The following YAF2 variants were observed in gnomAD, a reference collection of about 807,000 sequenced individuals.
YAF2 encodes the protein YY1-associated factor 2.
Under a neutral mutation model 20.1 loss-of-function variants are expected in YAF2, and 7 were observed. The ratio of observed to expected loss-of-function variants is 0.35; its 90% CI spans 0.20 to 0.65. YAF2 has a LOEUF of 0.65. Ranked by LOEUF, YAF2 falls within the 30% of genes least tolerant of loss-of-function variation. The pLI is 0.69. For missense variants in YAF2, 151 were observed against 219.2 expected, an observed-to-expected ratio of 0.69 and a Z score of 1.96; for synonymous variants, 74 against 76.0, an observed-to-expected ratio of 0.97 and a Z score of 0.14.
intron 2 of YAF2, among the ~76,000 whole-genome samples, chr12:42,228,642 G>A (rs1346354608): frequency 6.1e-5 from 5 of 81,974 alleles, no homozygotes; most frequent in African/African-American, 1.9e-4. Context: ...CAGCCGCCCC[G>A]TCCGGGAGGG....
At chr12:42,226,954 G>A (rs1011166202) in intron 2 of YAF2, among the ~76,000 whole-genome samples, 62 of 149,666 alleles carry the variant, frequency 4.1e-4, no homozygotes, top group African/African-American at 1.4e-3. Context: ...TGGTTGGCGC[G>A]GCTGCGCTGC....
chr12:42,175,017 C>A (rs1424426056), intron 2 of YAF2, among the ~76,000 whole-genome samples: 1 of 152,134 alleles, frequency 6.6e-6, no homozygotes, highest in African/African-American at 2.4e-5. Context: ...CAGGCATTTC[C>A]CTTTCAATAT....
chr12:42,216,091 G>C (rs73281886), intron 2 of YAF2, among the ~76,000 whole-genome samples: 3,398 of 152,072 alleles, frequency 0.022, 123 homozygotes, highest in African/African-American at 0.078. Context: ...TAAAGTCATT[G>C]TTAGAGGCAT....
intron 2 of YAF2, among the ~76,000 whole-genome samples, chr12:42,195,679 G>C (rs990269594): frequency 6.6e-6 from 1 of 152,118 alleles, no homozygotes; most frequent in East Asian, 1.9e-4. Context: ...GAAATCAAAG[G>C]TGAAGACACA....
At chr12:42,185,155 G>T (rs1307818270) in intron 2 of YAF2, among the ~76,000 whole-genome samples, 2 of 152,090 alleles carry the variant, frequency 1.3e-5, no homozygotes, top group Admixed American at 6.6e-5. Flanking sequence ...TCCAGCCTGG[G>T]CAACAGAGCC....
chr12:42,210,554 G>A, intron 2 of YAF2: 1 of 1,535,998 alleles, frequency 6.5e-7, no homozygotes. Context: ...TTACCTTCCT[G>A]AAATTGGAAA....
chr12:42,160,614 G>A lies in YAF2; in HGVS notation c.518C>T (p.Ser173Leu). The A allele has an allele frequency of 6.2e-7, 1 of 1,613,342 alleles. No individual in the cohort carries two copies. The highest frequency in any genetic ancestry group is 8.5e-7 in the Non-Finnish European group (1 of 1,179,652). The change falls in exon 4 of 4, where the codon TCA becomes TTA. Residue 173 changes from serine (S) to leucine (L), a missense_variant. Physicochemically the swap from Ser to Leu is moderately radical, Grantham distance 145 (BLOSUM62 -2). Around this residue, in one of 3 missense-constraint regions of YAF2, gnomAD observed 51 missense variants for 48.9 expected, o/e 1.04. Transcript: ENST00000534854. ...TTAATGAGATTCTCCATTCAATGAT[G>A]AGGCTTCTCCTCTGGGTGAAGATGA... ...SRSSSPRGEA[S>L]SLNGESH
At chr12:42,190,912 T>G (rs1221043508) in intron 2 of YAF2, among the ~76,000 whole-genome samples, 3 of 152,124 alleles carry the variant, frequency 2.0e-5, no homozygotes, top group Non-Finnish European at 4.4e-5. Context: ...TTTAGTTTTT[T>G]TTTCAGCTTT....
chr12:42,234,008 TA>T, intron 2 of YAF2: 1 of 763,276 alleles, frequency 1.3e-6, no homozygotes, highest in Non-Finnish European at 1.6e-6. Flanking sequence ...CCATCTCTAC[TA>T]AAAATACAAA....
chr12:42,231,844 A>G (rs1358167787), intron 2 of YAF2: 1 of 152,244 alleles, frequency 6.6e-6, no homozygotes, highest in Non-Finnish European at 1.5e-5. Flanking sequence ...CACTGGCAAC[A>G]TATAGTATCA....
intron 2 of YAF2, among the ~76,000 whole-genome samples, chr12:42,187,659 G>A (rs969459536): frequency 2.0e-5 from 3 of 152,136 alleles, no homozygotes; most frequent in African/African-American, 7.2e-5. Flanking sequence ...CAGTAATTCT[G>A]AGGAGTAAAA....
intron 2 of YAF2, among the ~76,000 whole-genome samples, chr12:42,166,585 T>C (rs1301785168): frequency 1.3e-5 from 2 of 152,244 alleles, no homozygotes; most frequent in Non-Finnish European, 2.9e-5. Context: ...CTCAGAAATA[T>C]TTGTTCACTT....
At chr12:42,163,788 C>T (rs2065850526) in intron 2 of YAF2, among the ~76,000 whole-genome samples, 1 of 152,122 alleles carries the variant, frequency 6.6e-6, no homozygotes, top group Non-Finnish European at 1.5e-5. Context: ...AGAGCTTTCA[C>T]TGAAGGTAGG....
intron 2 of YAF2, among the ~76,000 whole-genome samples, chr12:42,166,638 T>C (rs1413524992): frequency 3.3e-5 from 5 of 152,196 alleles, no homozygotes; most frequent in Non-Finnish European, 1.5e-5. Context: ...GATATTGTCA[T>C]CTGAAGACTC....
chr12:42,194,567 C>G (rs1236742419), intron 2 of YAF2, among the ~76,000 whole-genome samples: 2 of 152,124 alleles, frequency 1.3e-5, no homozygotes, highest in Non-Finnish European at 2.9e-5. Context: ...TCACCTGAAA[C>G]CAGGAAGCAG....
intron 2 of YAF2, chr12:42,237,307 G>GA: frequency 1.3e-6 from 1 of 751,116 alleles, no homozygotes; most frequent in Non-Finnish European, 1.7e-6. Flanking sequence ...CCAGAATGGG[G>GA]AGAGGGGCAT....
rs1244459229 is a variant in YAF2, at chr12:42,173,074, AAG to A, written c.153-11311_153-11310del. On this transcript the variant is annotated intron_variant, in intron 2 of 3. Transcript: ENST00000534854. The stretch of plus-strand genomic sequence containing the variant: ...AGAGAGAGAGAGAGGGAGAGAGAGA[AAG>A]AGAGAGTCTGGAGTAAAAATTCTTC... 7.9e-5 allele frequency among the ~76,000 whole-genome samples: 12 copies of A among 151,664 alleles called. 1 individual carries two copies. The highest frequency in any genetic ancestry group is 5.3e-4 in the Admixed American group (8 of 15,194).
At position 42,185,326 on chromosome 12, in the gene YAF2, T is replaced by C. The variant is rs568563267; in HGVS notation, c.153-23561A>G. ...AAACACACAAAGTGGTTTCTTGATA[T>C]GGAATCTACTCCTGGTGAAGATGCT... On this transcript the variant is annotated intron_variant, in intron 2 of 3. Transcript: ENST00000534854. Among the ~76,000 whole-genome samples the C allele has an allele frequency of 2.6e-5, 4 of 152,340 alleles. No individual in the cohort carries two copies. The East Asian group carries it at 5.8e-4, about 22-fold the overall frequency.
intron 2 of YAF2, among the ~76,000 whole-genome samples, chr12:42,230,625 T>C (rs1404840612): frequency 1.3e-5 from 2 of 152,010 alleles, no homozygotes; most frequent in Non-Finnish European, 2.9e-5. Context: ...TGTAACTACA[T>C]AAAAGGAAAA....
Sources: gnomAD v4.1 joint callset for allele counts (sites outside exome capture counted in the v4.1 genomes callset) on GRCh38, gnomAD v4.1.1 for gene constraint, gnomAD v4.1.1 regional missense constraint, MANE v1.5 for transcripts, NCBI Gene and HGNC (gene_info 2026-07-23, HGNC 2026-07-21) for gene names.